The following GFRA1 variants were observed in gnomAD, a reference collection of about 807,000 sequenced individuals.
GFRA1 encodes the protein GDNF family receptor alpha 1.
GFRA1 carries 16 observed loss-of-function variants against 51.6 expected under a neutral mutation model. That is an observed-to-expected ratio of 0.31 (90% confidence interval 0.21 to 0.47). The LOEUF (loss-of-function observed/expected upper bound fraction) is 0.47, where lower values mean the gene tolerates loss of function less well. GFRA1 is among the 20% of genes least tolerant of loss of function. The pLI, the probability that GFRA1 is intolerant of heterozygous loss-of-function variation, is 1.00. For missense variants in GFRA1, 530 were observed against 594.3 expected, an observed-to-expected ratio of 0.89 and a Z score of 1.13; for synonymous variants, 270 against 241.3, an observed-to-expected ratio of 1.12 and a Z score of -1.10.
At chr10:116,157,239 C>A (rs923320441) in intron 5 of GFRA1, among the ~76,000 whole-genome samples, 1 of 152,232 alleles carries the variant, frequency 6.6e-6, no homozygotes, top group Non-Finnish European at 1.5e-5. Context: ...ATGCTGCTGG[C>A]TGACTTGAAA....
intron 6 of GFRA1, among the ~76,000 whole-genome samples, chr10:116,117,792 C>G (rs1349210115): frequency 1.3e-5 from 2 of 152,070 alleles, no homozygotes; most frequent in Non-Finnish European, 2.9e-5. Flanking sequence ...GGCGGAGAAA[C>G]AGATGGACGG....
chr10:116,176,141 CAT>C (rs539341162), intron 5 of GFRA1, among the ~76,000 whole-genome samples: 39 of 152,278 alleles, frequency 2.6e-4, no homozygotes, highest in Non-Finnish European at 4.3e-4. Flanking sequence ...ATAAATGTCA[CAT>C]GTTTGTGAAA....
intron 4 of GFRA1, among the ~76,000 whole-genome samples, chr10:116,253,093 C>G (rs1009710534): frequency 2.6e-5 from 4 of 152,222 alleles, no homozygotes; most frequent in Non-Finnish European, 5.9e-5. Context: ...GACTACCCAG[C>G]ACGCAGCTGG....
intron 4 of GFRA1, among the ~76,000 whole-genome samples, chr10:116,215,757 T>C (rs186549643): frequency 4.6e-5 from 7 of 152,190 alleles, no homozygotes; most frequent in South Asian, 2.1e-4. Flanking sequence ...CAGAGACACT[T>C]GTAAAGAGGA....
intron 5 of GFRA1, among the ~76,000 whole-genome samples, chr10:116,133,470 G>T (rs1354815540): frequency 6.6e-6 from 1 of 152,084 alleles, no homozygotes; most frequent in African/African-American, 2.4e-5. Context: ...TTAGGAGTGA[G>T]GAGCATCTGG....
intron 8 of GFRA1, among the ~76,000 whole-genome samples, chr10:116,093,365 C>G (rs543789860): frequency 1.7e-3 from 266 of 152,326 alleles, no homozygotes; most frequent in African/African-American, 6.1e-3. Flanking sequence ...AAAATTTGAT[C>G]TGCGGGTAGA....
At chr10:116,079,407 T>TTATATCTCCCTATGCTCCTTGC in intron 9 of GFRA1, among the ~76,000 whole-genome samples, 1 of 152,202 alleles carries the variant, frequency 6.6e-6, no homozygotes, top group Non-Finnish European at 1.5e-5. Context: ...CAGTTTACAC[T>TTATATCTCCCTATGCTCCTTGC]TATATCTCCC....
intron 5 of GFRA1, among the ~76,000 whole-genome samples, chr10:116,197,452 G>A (rs754434162): frequency 5.9e-5 from 9 of 152,114 alleles, no homozygotes; most frequent in South Asian, 2.1e-4. Flanking sequence ...GTATTTTATC[G>A]TAGTTTGGAA....
intron 6 of GFRA1, among the ~76,000 whole-genome samples, chr10:116,110,176 G>A (rs1957152784): frequency 6.6e-6 from 1 of 152,148 alleles, no homozygotes; most frequent in South Asian, 2.1e-4. Context: ...ACCTGACCTG[G>A]CAGGGGGATG....
In GFRA1 at chr10:116,230,343, G is replaced by A. The variant is rs539821809; in HGVS notation, c.419-18698C>T. 3.9e-5 allele frequency among the ~76,000 whole-genome samples: 6 copies of A among 152,270 alleles called. No homozygotes were observed. The South Asian group carries it at 1.0e-3, about 26-fold the overall frequency. Reference sequence around the variant, plus strand: ...TCATTTTAGAGCTGAGGAAACTGACGCTGACAACTTGTTCAAGATCACAGT... The same window carrying A: ...TCATTTTAGAGCTGAGGAAACTGACACTGACAACTTGTTCAAGATCACAGT... On this transcript the variant is annotated intron_variant, in intron 4 of 10. Transcript: ENST00000355422.
At chr10:116,231,074 A>G (rs980179786) in intron 4 of GFRA1, among the ~76,000 whole-genome samples, 1 of 152,154 alleles carries the variant, frequency 6.6e-6, no homozygotes, top group African/African-American at 2.4e-5. Context: ...AAACATTACT[A>G]CATCTTTTGA....
At chr10:116,191,225 T>C (rs868341868) in intron 5 of GFRA1, among the ~76,000 whole-genome samples, 1 of 152,170 alleles carries the variant, frequency 6.6e-6, no homozygotes, top group South Asian at 2.1e-4. Context: ...TAGAACTGTG[T>C]TGAGTGTGCA....
At chr10:116,098,642 C>T (rs1956701022) in intron 6 of GFRA1, among the ~76,000 whole-genome samples, 2 of 152,174 alleles carry the variant, frequency 1.3e-5, no homozygotes, top group South Asian at 2.1e-4. Flanking sequence ...CCAATGCTCC[C>T]GGCCTGTCCC....
intron 4 of GFRA1, among the ~76,000 whole-genome samples, chr10:116,225,240 A>T (rs1309259440): frequency 1.3e-5 from 2 of 152,128 alleles, no homozygotes; most frequent in African/African-American, 4.8e-5. Flanking sequence ...ATTACATGCT[A>T]AAATGATATT....
At chr10:116,251,577 C>CT (rs1281890093) in intron 4 of GFRA1, among the ~76,000 whole-genome samples, 1 of 152,194 alleles carries the variant, frequency 6.6e-6, no homozygotes, top group Non-Finnish European at 1.5e-5. Context: ...TTCAGAGACT[C>CT]TAACTCAGGT....
Position 116,167,235 on chromosome 10 carries a change from C to T in GFRA1, c.434-41678G>A, listed in dbSNP as rs564091802. Reference sequence around the variant, plus strand: ...CTAATTTGCCAACGGCTCCAAAAGTCTTTCCCAAATGAATACTTCCCAGGA... The same window carrying T: ...CTAATTTGCCAACGGCTCCAAAAGTTTTTCCCAAATGAATACTTCCCAGGA... On this transcript the variant is annotated intron_variant, in intron 5 of 10. Coordinates refer to ENST00000355422, the MANE Select transcript of GFRA1 (RefSeq NM_005264.8). 6.6e-4 allele frequency among the ~76,000 whole-genome samples: 101 copies of T among 152,316 alleles called. 2 individuals are homozygous for T. The highest frequency in any genetic ancestry group is 2.3e-3 in the African/African-American group (94 of 41,580).
chr10:116,160,367 G>A (rs1959626702), intron 5 of GFRA1, among the ~76,000 whole-genome samples: 1 of 152,196 alleles, frequency 6.6e-6, no homozygotes, highest in Non-Finnish European at 1.5e-5. Flanking sequence ...AAAGAAGGGT[G>A]TTTAGCACTT....
intron 4 of GFRA1, among the ~76,000 whole-genome samples, chr10:116,228,291 T>C (rs1338978716): frequency 6.6e-6 from 1 of 152,158 alleles, no homozygotes; most frequent in Admixed American, 6.5e-5. Flanking sequence ...TCTGGAGGCT[T>C]CTGATAAGGA....
chr10:116,146,382 G>A (rs35175214), intron 5 of GFRA1, among the ~76,000 whole-genome samples: 4 of 152,144 alleles, frequency 2.6e-5, no homozygotes, highest in South Asian at 2.1e-4. Context: ...AATTGTCAAT[G>A]AGACTAGAAT....
Sources: allele counts gnomAD v4.1 joint callset (sites outside exome capture counted in the v4.1 genomes callset), GRCh38; gene constraint gnomAD v4.1.1; transcripts MANE v1.5; gene names NCBI Gene and HGNC (gene_info 2026-07-23, HGNC 2026-07-21).